Variants in DLG2 observed in about 807,000 individuals in gnomAD.
The protein encoded by DLG2 is discs large MAGUK scaffold protein 2.
DLG2 carries 45 observed loss-of-function variants against 132.5 expected under a neutral mutation model. The observed-to-expected ratio is 0.34, with a 90% CI of 0.27 to 0.44. The LOEUF is 0.44. DLG2 is among the 20% of genes least tolerant of loss of function. The pLI is 1.00. For missense variants in DLG2, 1,045 were observed against 1,196.9 expected (o/e 0.87, Z 1.87); for synonymous variants, 424 against 419.6 (o/e 1.01, Z -0.13).
At chr11:83,583,202 AAAATATTCTTTGAATGCT>A (rs1446201667) in intron 19 of DLG2, among the ~76,000 whole-genome samples, 1 of 152,248 alleles carries the variant, frequency 6.6e-6, no homozygotes, top group African/African-American at 2.4e-5. Context: ...CAAAAGACAA[AAAATATTCTTTGAATGCT>A]AAATATTCAA....
At chr11:85,149,019 T>G (rs1478898135) in intron 5 of DLG2, among the ~76,000 whole-genome samples, 1 of 152,210 alleles carries the variant, frequency 6.6e-6, no homozygotes, top group Admixed American at 6.5e-5. Context: ...CTTTCCCCAT[T>G]GCTTGCTTTT....
intron 7 of DLG2, among the ~76,000 whole-genome samples, chr11:84,505,183 G>A (rs551722945): frequency 6.6e-6 from 1 of 152,152 alleles, no homozygotes; most frequent in South Asian, 2.1e-4. Flanking sequence ...TAGTTCTGTA[G>A]CAATGCAACA....
chr11:85,469,969 T>C (rs751201430), intron 3 of DLG2, among the ~76,000 whole-genome samples: 1 of 152,122 alleles, frequency 6.6e-6, no homozygotes, highest in Admixed American at 6.5e-5. Flanking sequence ...CCAAAGCCCT[T>C]ACTTTAGCCT....
At chr11:83,904,848 A>C (rs2074333527) in intron 15 of DLG2, among the ~76,000 whole-genome samples, 1 of 152,172 alleles carries the variant, frequency 6.6e-6, no homozygotes, top group South Asian at 2.1e-4. Context: ...ACTGGAGCTC[A>C]GGGAACTGCT....
At chr11:83,477,970 A>G (rs901871438) in intron 22 of DLG2, among the ~76,000 whole-genome samples, 23 of 152,028 alleles carry the variant, frequency 1.5e-4, no homozygotes, top group African/African-American at 5.3e-4. Context: ...GCTCAAAGCT[A>G]CTTCCTCTCT....
At chr11:84,542,679 C>T (rs1199071587) in intron 6 of DLG2, among the ~76,000 whole-genome samples, 1 of 152,008 alleles carries the variant, frequency 6.6e-6, no homozygotes, top group Non-Finnish European at 1.5e-5. Context: ...ATAATAATAA[C>T]AGAATTTCAA....
intron 6 of DLG2, among the ~76,000 whole-genome samples, chr11:84,633,597 C>T (rs952468972): frequency 1.3e-5 from 2 of 150,982 alleles, no homozygotes; most frequent in African/African-American, 4.9e-5. Context: ...CATTTCTCAC[C>T]GTGTATTATG....
chr11:84,731,331 A>G (rs944990683), intron 6 of DLG2, among the ~76,000 whole-genome samples: 2 of 152,048 alleles, frequency 1.3e-5, no homozygotes, highest in Non-Finnish European at 2.9e-5. Context: ...GGTTAAGTAC[A>G]GATCAATGCA....
chr11:85,480,429 G>C (rs1441856386), intron 3 of DLG2, among the ~76,000 whole-genome samples: 1 of 152,026 alleles, frequency 6.6e-6, no homozygotes, highest in Non-Finnish European at 1.5e-5. Context: ...AAAGTGAACA[G>C]GAGCTACAAG....
At chr11:85,122,746 A>G (rs2152371508) in intron 5 of DLG2, among the ~76,000 whole-genome samples, 1 of 151,642 alleles carries the variant, frequency 6.6e-6, no homozygotes, top group Non-Finnish European at 1.5e-5. Flanking sequence ...CAAAATTTTG[A>G]ATAAGGGAGC....
intron 14 of DLG2, among the ~76,000 whole-genome samples, chr11:83,944,049 T>A (rs2083268512): frequency 6.6e-6 from 1 of 152,236 alleles, no homozygotes; most frequent in South Asian, 2.1e-4. Context: ...TACTAACCTA[T>A]GTGATATGGA....
At chr11:85,198,012 T>G (rs910263827) in intron 4 of DLG2, among the ~76,000 whole-genome samples, 2 of 152,150 alleles carry the variant, frequency 1.3e-5, no homozygotes, top group South Asian at 2.1e-4. Flanking sequence ...ATTATAATTA[T>G]GATAAATAAC....
chr11:83,880,012 C>T (rs1283205340), intron 15 of DLG2, among the ~76,000 whole-genome samples: 1 of 152,080 alleles, frequency 6.6e-6, no homozygotes, highest in African/African-American at 2.4e-5. Context: ...AAGAGCATGA[C>T]CAAGATCATG....
chr11:85,208,822 T>C (rs1389995232), intron 4 of DLG2, among the ~76,000 whole-genome samples: 1 of 152,080 alleles, frequency 6.6e-6, no homozygotes, highest in East Asian at 1.9e-4. Context: ...TCAATGAGTT[T>C]ATAATCTAAA....
chr11:84,010,679 T>C (rs1265095820), intron 11 of DLG2, among the ~76,000 whole-genome samples: 3 of 152,104 alleles, frequency 2.0e-5, no homozygotes, highest in African/African-American at 4.8e-5. Flanking sequence ...TTGTACCAAC[T>C]GAAGTATGAC....
rs747880222 is a variant in DLG2, at chr11:84,534,550, G to C, written c.519+20C>G. 6 of 1,610,350 alleles carry C rather than the reference G, an allele frequency of 3.7e-6. No homozygotes were observed. The East Asian group carries it at 1.3e-4, about 36-fold the overall frequency. On this transcript the variant is annotated intron_variant, in intron 7 of 27. Transcript: ENST00000376104. Reference sequence around the variant, plus strand: ...AACTACTGTCACCAACTATAAAGTCGGAAGAGCAATATAACTGACCTTCAG... The same window carrying C: ...AACTACTGTCACCAACTATAAAGTCCGAAGAGCAATATAACTGACCTTCAG...
intron 3 of DLG2, among the ~76,000 whole-genome samples, chr11:85,456,959 G>A (rs2092442299): frequency 6.6e-6 from 1 of 152,150 alleles, no homozygotes; most frequent in Non-Finnish European, 1.5e-5. Context: ...ATTTGGTTAA[G>A]TGTTGAGTTC....
chr11:84,089,643 T>C (rs184389465), intron 10 of DLG2, among the ~76,000 whole-genome samples: 1 of 152,352 alleles, frequency 6.6e-6, no homozygotes, highest in Non-Finnish European at 1.5e-5. Context: ...ATGTATGTTG[T>C]CTTGGTTTTT....
chr11:84,786,946 AGTAATGGCTTTGGTGG>A (rs2073003505), intron 6 of DLG2, among the ~76,000 whole-genome samples: 1 of 152,186 alleles, frequency 6.6e-6, no homozygotes, highest in Non-Finnish European at 1.5e-5. Flanking sequence ...GCTTTTGAAG[AGTAATGGCTTTGGTGG>A]GAAGAAACAT....
Sources: allele counts gnomAD v4.1 joint callset (sites outside exome capture counted in the v4.1 genomes callset), GRCh38; gene constraint gnomAD v4.1.1; transcripts MANE v1.5; gene names NCBI Gene and HGNC (gene_info 2026-07-23, HGNC 2026-07-21).